Variants in SMURF1 observed in about 807,000 individuals in gnomAD.
The protein encoded by SMURF1 is E3 ubiquitin-protein ligase SMURF1.
SMURF1 carries 44 observed loss-of-function variants against 98.0 expected under a neutral mutation model. The ratio of observed to expected loss-of-function variants is 0.45; its 90% confidence interval spans 0.35 to 0.58. SMURF1 has a LOEUF of 0.58. SMURF1 is among the 20% of genes least tolerant of loss of function. SMURF1 has a pLI of 0.00. For missense variants in SMURF1, 687 were observed against 938.4 expected (o/e 0.73, Z 3.50); for synonymous variants, 396 against 374.9 (o/e 1.06, Z -0.65).
chr7:99,139,539 A>C (rs1798066699), intron 1 of SMURF1, among the ~76,000 whole-genome samples: 1 of 152,178 alleles, frequency 6.6e-6, no homozygotes, highest in Admixed American at 6.5e-5. Context: ...CTTTTACCCA[A>C]AGTGGCCTAA....
At chr7:99,063,926 G>A (rs988946743) in intron 1 of SMURF1, among the ~76,000 whole-genome samples, 4 of 151,940 alleles carry the variant, frequency 2.6e-5, no homozygotes, top group Non-Finnish European at 2.9e-5. Context: ...ACAGGCACAC[G>A]CCACCCAGCA....
chr7:99,040,890 C>G (rs1178180843), intron 12 of SMURF1, among the ~76,000 whole-genome samples: 2 of 152,164 alleles, frequency 1.3e-5, no homozygotes, highest in Non-Finnish European at 2.9e-5. Flanking sequence ...GGCCTTGACA[C>G]TGCAGGGCCT....
At chr7:99,115,351 G>T (rs1026855840) in intron 1 of SMURF1, among the ~76,000 whole-genome samples, 4 of 152,142 alleles carry the variant, frequency 2.6e-5, no homozygotes, top group Non-Finnish European at 5.9e-5. Flanking sequence ...CCAGCACTTT[G>T]CGAGGCTGAA....
chr7:99,100,932 C>G (rs1390803498), intron 1 of SMURF1, among the ~76,000 whole-genome samples: 1 of 151,972 alleles, frequency 6.6e-6, no homozygotes, highest in Non-Finnish European at 1.5e-5. Context: ...CAGAGATAAG[C>G]AAGGTGGAGA....
At chr7:99,048,185 C>T (rs772860464) in intron 9 of SMURF1, 18 of 345,844 alleles carry the variant, frequency 5.2e-5, no homozygotes, top group African/African-American at 1.9e-4. Context: ...GTCAGGAGTT[C>T]GAGACCAGCC....
At chr7:99,110,591 A>C (rs1797295836) in intron 1 of SMURF1, among the ~76,000 whole-genome samples, 1 of 152,266 alleles carries the variant, frequency 6.6e-6, no homozygotes, top group Admixed American at 6.5e-5. Flanking sequence ...TTGACAATCT[A>C]TTGAAAAGAT....
At position 99,038,492 on chromosome 7, in the gene SMURF1, G is replaced by C. The variant is rs1795242872; in HGVS notation, c.1584C>G (p.Thr528=). ...CGAAGGCGTTGTGTTCCACGCAGAAGGTGTGGTCCAGTACAGGCGTGATGT... is the reference window on the plus strand; with the variant it reads ...CGAAGGCGTTGTGTTCCACGCAGAACGTGTGGTCCAGTACAGGCGTGATGT... ...ENDITPVLDH[T]FCVEHNAFGR... is the part of the protein sequence containing the mutation. The change falls in exon 14 of 18, where the codon ACC becomes ACG. Residue 528 remains threonine, a synonymous_variant. Coordinates refer to ENST00000361368, the MANE Select transcript of SMURF1 (RefSeq NM_181349.3). 1.9e-6 allele frequency: 3 copies of C among 1,614,276 alleles called. No individual in the cohort carries two copies. Among genetic ancestry groups the C allele is most frequent in the Non-Finnish European group, 2.5e-6 (3 of 1,180,052 alleles).
chr7:99,062,738 C>T (rs1254490713), intron 1 of SMURF1, among the ~76,000 whole-genome samples: 1 of 152,088 alleles, frequency 6.6e-6, no homozygotes. Flanking sequence ...ATCCCAGCTA[C>T]TCCAGAAGCT....
intron 1 of SMURF1, 52 bp from the exon 2 acceptor site, chr7:99,061,889 A>C (rs762832318): frequency 3.1e-5 from 42 of 1,361,372 alleles, no homozygotes; most frequent in Non-Finnish European, 4.1e-5. Context: ...AGATTTCCAT[A>C]ATAGCTAATC....
intron 1 of SMURF1, among the ~76,000 whole-genome samples, chr7:99,126,440 G>A (rs946925175): frequency 6.6e-6 from 1 of 151,350 alleles, no homozygotes; most frequent in Non-Finnish European, 1.5e-5. Context: ...GGCGGATCAC[G>A]AGGTCAGATG....
intron 1 of SMURF1, among the ~76,000 whole-genome samples, chr7:99,063,203 TTATA>T (rs1796077334): frequency 8.3e-6 from 1 of 120,974 alleles, no homozygotes; most frequent in African/African-American, 3.3e-5. Flanking sequence ...ATATATATAT[TTATA>T]TAGTCAAGAT....
chr7:99,124,673 A>G (rs984803329), intron 1 of SMURF1, among the ~76,000 whole-genome samples: 14 of 152,172 alleles, frequency 9.2e-5, no homozygotes, highest in African/African-American at 3.4e-4. Flanking sequence ...AAGTCACTAC[A>G]CAAATACTAA....
intron 1 of SMURF1, among the ~76,000 whole-genome samples, chr7:99,074,372 T>C (rs1376330270): frequency 7.9e-5 from 12 of 152,140 alleles, no homozygotes; most frequent in South Asian, 2.1e-4. Context: ...AGTCCAAATA[T>C]AGACCCATGT....
chr7:99,106,781 C>T (rs12112617), intron 1 of SMURF1, among the ~76,000 whole-genome samples: 10,207 of 152,228 alleles, frequency 0.067, 1,159 homozygotes, highest in African/African-American at 0.23. Flanking sequence ...AGTGCCTTCT[C>T]CGACCTCTTT....
chr7:99,143,817 C>T lies in SMURF1; in HGVS notation c.-37G>A. On this transcript the variant is annotated 5_prime_UTR_variant, in exon 1 of 18. Coordinates refer to ENST00000361368, the MANE Select transcript of SMURF1 (RefSeq NM_181349.3). ...GATCGGGCAGCCGCGGATCCAGCGC[C>T]ACCGCCCCCCAGCCCGGCCCGGCCC... The T allele has an allele frequency of 1.3e-6, 2 of 1,521,802 alleles. No homozygotes were observed. Among genetic ancestry groups the T allele is most frequent in the East Asian group, 2.8e-5 (1 of 35,512 alleles). The allele number at this position is 1,521,802 out of a possible 1,614,324, so 94.3% of individuals were successfully genotyped here. A position where few individuals can be genotyped will look rare whatever the true frequency, so the allele number is the denominator to read the frequency against.
At chr7:99,049,357 G>GGTA in intron 9 of SMURF1, 1 of 560,056 alleles carries the variant, frequency 1.8e-6, no homozygotes, top group Non-Finnish European at 3.1e-6. Flanking sequence ...GTAAGAAAAG[G>GGTA]GTAGCAACAA....
At chr7:99,036,736 TGGGAGAAC>T (rs2150500169) in intron 15 of SMURF1, among the ~76,000 whole-genome samples, 1 of 152,292 alleles carries the variant, frequency 6.6e-6, no homozygotes, top group Admixed American at 6.5e-5. Flanking sequence ...GATGCTCTTG[TGGGAGAAC>T]CTGGTTCTCC....
intron 1 of SMURF1, among the ~76,000 whole-genome samples, chr7:99,065,978 G>A (rs58983738): frequency 0.11 from 16,697 of 151,816 alleles, 963 homozygotes; most frequent in East Asian, 0.2. Flanking sequence ...CCCAGGAGGC[G>A]GAGGTTGCAG....
intron 1 of SMURF1, among the ~76,000 whole-genome samples, chr7:99,138,950 A>C (rs188159668): frequency 1.3e-5 from 2 of 152,340 alleles, no homozygotes; most frequent in East Asian, 3.9e-4. Context: ...AACTTGAGGC[A>C]GACCCTAAGG....
Sources: gnomAD v4.1 joint callset for allele counts (sites outside exome capture counted in the v4.1 genomes callset) on GRCh38, gnomAD v4.1.1 for gene constraint, MANE v1.5 for transcripts, NCBI Gene and HGNC (gene_info 2026-07-23, HGNC 2026-07-21) for gene names.